Variants in PDE7A observed in about 807,000 individuals in gnomAD.
The protein encoded by PDE7A is phosphodiesterase 7A.
PDE7A carries 39 observed loss-of-function variants against 64.3 expected under a neutral mutation model. That is an observed-to-expected ratio of 0.61 (90% CI 0.47 to 0.79). The LOEUF is 0.79. Ranked by LOEUF, PDE7A falls within the 30% of genes least tolerant of loss-of-function variation. The pLI, the probability that PDE7A is intolerant of heterozygous loss-of-function variation, is 0.00. For missense variants in PDE7A, 470 were observed against 582.8 expected (o/e 0.81, Z 1.99); for synonymous variants, 203 against 206.8 (o/e 0.98, Z 0.16).
At chr8:65,726,480 T>C (rs78400840) in intron 9 of PDE7A, among the ~76,000 whole-genome samples, 2,424 of 152,308 alleles carry the variant, frequency 0.016, 75 homozygotes, top group African/African-American at 0.054. Context: ...CAGATTTTAA[T>C]GAATCTATTT....
chr8:65,783,814 T>C (rs1809480238), intron 1 of PDE7A, among the ~76,000 whole-genome samples: 2 of 152,292 alleles, frequency 1.3e-5, no homozygotes, highest in East Asian at 1.9e-4. Flanking sequence ...GATAAATAAA[T>C]TGATGAATAA....
Position 65,756,591 on chromosome 8 carries a change from T to C in PDE7A, c.284-8788A>G, listed in dbSNP as rs559351602. ...TTCTAGAATTTCTGTTTGGTTCCTT[T>C]TTACAATTTCTTTCTCTTTACTGAG... On this transcript the variant is annotated intron_variant, in intron 3 of 12. Coordinates refer to ENST00000401827, the MANE Select transcript of PDE7A (RefSeq NM_001242318.3). Among the ~76,000 whole-genome samples the C allele has an allele frequency of 7.2e-5, 11 of 152,320 alleles. No homozygotes were observed. The East Asian group carries it at 2.1e-3, about 29-fold the overall frequency.
At chr8:65,763,973 A>T (rs78145222) in intron 3 of PDE7A, among the ~76,000 whole-genome samples, 8,053 of 152,332 alleles carry the variant, frequency 0.053, 301 homozygotes, top group Middle Eastern at 0.095. Flanking sequence ...ACTTTAGGAC[A>T]AACAAGAAAC....
At chr8:65,735,228 A>G (rs1011221562) in intron 6 of PDE7A, among the ~76,000 whole-genome samples, 1 of 152,110 alleles carries the variant, frequency 6.6e-6, no homozygotes, top group South Asian at 2.1e-4. Context: ...GGGAAACACA[A>G]TCGCCGAGTG....
At chr8:65,788,224 A>G (rs1809612038) in intron 1 of PDE7A, among the ~76,000 whole-genome samples, 1 of 152,156 alleles carries the variant, frequency 6.6e-6, no homozygotes. Context: ...AATAGAAAAA[A>G]ATAATTTCAA....
At chr8:65,827,741 A>G (rs1308089738) in intron 1 of PDE7A, among the ~76,000 whole-genome samples, 1 of 152,206 alleles carries the variant, frequency 6.6e-6, no homozygotes, top group Non-Finnish European at 1.5e-5. Flanking sequence ...CATGCAGTAC[A>G]GGTTTGCAGC....
intron 3 of PDE7A, among the ~76,000 whole-genome samples, chr8:65,764,975 T>C (rs1158102416): frequency 6.6e-6 from 1 of 152,070 alleles, no homozygotes; most frequent in Non-Finnish European, 1.5e-5. Context: ...CCCTGTAAAA[T>C]CTAACTGTAG....
At chr8:65,831,291 C>G (rs952003083) in intron 1 of PDE7A, among the ~76,000 whole-genome samples, 10 of 151,962 alleles carry the variant, frequency 6.6e-5, no homozygotes, top group African/African-American at 1.9e-4. Flanking sequence ...ACTTATCTAC[C>G]CCCCTCTACA....
chr8:65,769,305 T>C (rs1808961096), intron 3 of PDE7A, among the ~76,000 whole-genome samples: 1 of 150,906 alleles, frequency 6.6e-6, no homozygotes, highest in Admixed American at 6.6e-5. Flanking sequence ...TTTAAAAAAT[T>C]GTTATGAAAG....
intron 2 of PDE7A, 71 bp downstream of exon 2, chr8:65,782,712 T>A: frequency 1.3e-6 from 1 of 795,612 alleles, no homozygotes; most frequent in South Asian, 1.6e-5. Flanking sequence ...TAATGAAAGA[T>A]ACCTCAAACT....
chr8:65,835,753 G>C (rs1290635555), intron 1 of PDE7A, among the ~76,000 whole-genome samples: 1 of 152,164 alleles, frequency 6.6e-6, no homozygotes, highest in Non-Finnish European at 1.5e-5. Flanking sequence ...TGGTGTTTAA[G>C]AAGGAATTCC....
chr8:65,783,360 C>A (rs984340690), intron 1 of PDE7A, among the ~76,000 whole-genome samples: 47 of 152,294 alleles, frequency 3.1e-4, no homozygotes, highest in African/African-American at 9.6e-4. Context: ...TCATCTGTGA[C>A]CTGCCTGCCC....
chr8:65,724,438 C>T, intron 10 of PDE7A, 87 bp from the exon 11 acceptor site: 2 of 772,914 alleles, frequency 2.6e-6, no homozygotes, highest in Non-Finnish European at 4.2e-6. Flanking sequence ...CTGGATTAAC[C>T]ATAAATATAA....
chr8:65,826,524 AATGT>A (rs993097155), intron 1 of PDE7A, among the ~76,000 whole-genome samples: 8 of 152,296 alleles, frequency 5.3e-5, no homozygotes, highest in African/African-American at 1.9e-4. Context: ...CATGTATCAA[AATGT>A]ATTGCAACTG....
At chr8:65,840,179 G>A (rs999969264) in intron 1 of PDE7A, among the ~76,000 whole-genome samples, 3 of 152,234 alleles carry the variant, frequency 2.0e-5, no homozygotes, top group Admixed American at 2.0e-4. Context: ...TATTCTAAAT[G>A]ACACATTATA....
chr8:65,759,801 A>G (rs1487616628), intron 3 of PDE7A, among the ~76,000 whole-genome samples: 1 of 152,056 alleles, frequency 6.6e-6, no homozygotes, highest in African/African-American at 2.4e-5. Context: ...GAAAGGTTGC[A>G]TGTGAGAGCT....
intron 1 of PDE7A, among the ~76,000 whole-genome samples, chr8:65,797,105 T>C (rs1392798292): frequency 1.3e-5 from 2 of 152,230 alleles, no homozygotes; most frequent in African/African-American, 4.8e-5. Flanking sequence ...AAAATACTTA[T>C]GGATAAAATC....
chr8:65,734,760 T>A (rs1448534176), intron 7 of PDE7A, 34 bp downstream of exon 7: 1 of 1,206,296 alleles, frequency 8.3e-7, no homozygotes, highest in African/African-American at 1.5e-5. Context: ...AATTTTCTTA[T>A]GATTTTCACC....
intron 2 of PDE7A, among the ~76,000 whole-genome samples, chr8:65,782,073 T>C (rs1809434253): frequency 6.6e-6 from 1 of 152,044 alleles, no homozygotes; most frequent in Non-Finnish European, 1.5e-5. Context: ...AGGTGAAGAA[T>C]AAGGATGGAT....
Sources: gnomAD v4.1 joint callset for allele counts (sites outside exome capture counted in the v4.1 genomes callset) on GRCh38, gnomAD v4.1.1 for gene constraint, MANE v1.5 for transcripts, NCBI Gene and HGNC (gene_info 2026-07-23, HGNC 2026-07-21) for gene names.